ERC1: variants seen among roughly 807,000 people sequenced by gnomAD.
ERC1 encodes the protein ELKS/RAB6-interacting/CAST family member 1, also known as RAB6 interacting protein 2.
Under a neutral mutation model 132.0 loss-of-function variants are expected in ERC1, and 56 were observed. That is an observed-to-expected ratio of 0.42 (90% CI 0.34 to 0.53). The LOEUF (loss-of-function observed/expected upper bound fraction) is 0.53. Ranked by LOEUF, ERC1 falls within the 20% of genes least tolerant of loss-of-function variation. The pLI is 0.03. For missense variants in ERC1, 1,202 were observed against 1,349.9 expected (o/e 0.89, Z 1.72); for synonymous variants, 478 against 476.1 (o/e 1.00, Z -0.05).
At chr12:1,371,613 G>A (rs1353594250) in intron 15 of ERC1, among the ~76,000 whole-genome samples, 1 of 136,044 alleles carries the variant, frequency 7.4e-6, no homozygotes, top group African/African-American at 3.0e-5. Context: ...GTTGGAAGGG[G>A]TGAATGATGC....
At chr12:1,454,885 C>G (rs976408791) in intron 18 of ERC1, among the ~76,000 whole-genome samples, 2 of 152,086 alleles carry the variant, frequency 1.3e-5, no homozygotes, top group Non-Finnish European at 2.9e-5. Flanking sequence ...GAACTCAGGC[C>G]CTCTAGTCAT....
chr12:1,203,604 T>C (rs1957107598), intron 12 of ERC1, among the ~76,000 whole-genome samples: 1 of 152,224 alleles, frequency 6.6e-6, no homozygotes, highest in Non-Finnish European at 1.5e-5. Context: ...GAAATAGATA[T>C]TTTGTTTCAG....
intron 15 of ERC1, among the ~76,000 whole-genome samples, chr12:1,333,480 G>A (rs1010941375): frequency 1.1e-4 from 17 of 151,756 alleles, no homozygotes; most frequent in Admixed American, 5.3e-4. Context: ...TTACAGGCAC[G>A]TGCCACCATG....
At chr12:1,464,898 T>A (rs1484690390) in intron 18 of ERC1, among the ~76,000 whole-genome samples, 5 of 152,124 alleles carry the variant, frequency 3.3e-5, no homozygotes, top group African/African-American at 1.2e-4. Context: ...AAAATATGAA[T>A]ATGGAATATT....
At chr12:1,350,238 A>G (rs2084880930) in intron 15 of ERC1, among the ~76,000 whole-genome samples, 1 of 152,206 alleles carries the variant, frequency 6.6e-6, no homozygotes, top group Non-Finnish European at 1.5e-5. Context: ...TTTAGTATCT[A>G]GTGTTAAAAG....
In ERC1 at chr12:1,008,118, A is replaced by G. The variant is rs547834133; in HGVS notation, c.-157+16796A>G. Reference sequence around the variant, plus strand: ...TTGTTACCCAGGGATTCTGCTAGATACCGTTCACTACTGTCAACCACCATC... The same window carrying G: ...TTGTTACCCAGGGATTCTGCTAGATGCCGTTCACTACTGTCAACCACCATC... On this transcript the variant is annotated intron_variant, in intron 1 of 18. Transcript: ENST00000360905. Among the ~76,000 whole-genome samples the G allele has an allele frequency of 3.9e-5, 6 of 152,298 alleles. No homozygotes were observed. In the East Asian group the frequency reaches 5.8e-4, roughly 15 times the overall value.
intron 8 of ERC1, among the ~76,000 whole-genome samples, chr12:1,154,259 G>GTATATGTATATGTATATGTATA: frequency 1.5e-5 from 2 of 137,216 alleles, no homozygotes; most frequent in Admixed American, 7.3e-5. Context: ...ATATGTATAT[G>GTATATGTATATGTATATGTATA]TGTATATATA....
intron 15 of ERC1, among the ~76,000 whole-genome samples, chr12:1,340,720 T>C (rs1165630560): frequency 6.6e-6 from 1 of 152,154 alleles, no homozygotes; most frequent in African/African-American, 2.4e-5. Context: ...GGTTTCTCGC[T>C]GGCAGCTGTT....
At chr12:1,111,705 G>C (rs1032305986) in intron 5 of ERC1, among the ~76,000 whole-genome samples, 1 of 150,450 alleles carries the variant, frequency 6.6e-6, no homozygotes, top group Non-Finnish European at 1.5e-5. Context: ...TGCAGCCTCC[G>C]TCTCCAGGGT....
chr12:993,167 A>G (rs1960021246), intron 1 of ERC1, among the ~76,000 whole-genome samples: 1 of 152,250 alleles, frequency 6.6e-6, no homozygotes, highest in African/African-American at 2.4e-5. Context: ...AATTAACTGT[A>G]TTCAGTTAAT....
chr12:1,418,850 CTA>C (rs1271285148), intron 17 of ERC1, among the ~76,000 whole-genome samples: 3 of 151,766 alleles, frequency 2.0e-5, no homozygotes, highest in African/African-American at 7.3e-5. Context: ...GTAGCAGGGA[CTA>C]CACGCGTGTA....
chr12:1,153,275 T>C (rs553962440), intron 8 of ERC1, among the ~76,000 whole-genome samples: 51 of 152,390 alleles, frequency 3.3e-4, no homozygotes, highest in Non-Finnish European at 6.5e-4. Flanking sequence ...GATGTCTCTC[T>C]GTTCTAGAAC....
chr12:1,190,528 A>G (rs1955614987), intron 12 of ERC1, among the ~76,000 whole-genome samples: 1 of 152,180 alleles, frequency 6.6e-6, no homozygotes, highest in Non-Finnish European at 1.5e-5. Flanking sequence ...TCAGTGCATT[A>G]GATCAAAATT....
chr12:1,401,965 A>G (rs920436473), intron 16 of ERC1, among the ~76,000 whole-genome samples: 43 of 152,196 alleles, frequency 2.8e-4, no homozygotes, highest in African/African-American at 1.0e-3. Context: ...CATGGAAAAC[A>G]GACTGAGAAG....
rs556683089 is a variant in ERC1 at position 1,035,846 on chromosome 12, C to T, written c.669+7274C>T. Among the ~76,000 whole-genome samples the T allele has an allele frequency of 1.4e-4, 21 of 151,844 alleles. No individual in the cohort carries two copies. The East Asian group carries it at 3.5e-3, about 25-fold the overall frequency. On this transcript the variant is annotated intron_variant, in intron 2 of 18. Coordinates refer to ENST00000360905, the MANE Select transcript of ERC1 (RefSeq NM_178040.4). ...CTGAGGCAGGAGAATGGCGTGAACC[C>T]GAGAGGCGGAGCTTGCAGTGAGCTG... is the stretch of plus-strand genomic sequence containing the variant.
chr12:1,436,320 C>G (rs1017000055), intron 17 of ERC1, among the ~76,000 whole-genome samples: 1 of 152,224 alleles, frequency 6.6e-6, no homozygotes, highest in African/African-American at 2.4e-5. Context: ...TCATACTTGG[C>G]TCTTTTTTGT....
chr12:1,384,061 C>A (rs2089031117), intron 16 of ERC1, among the ~76,000 whole-genome samples: 1 of 152,214 alleles, frequency 6.6e-6, no homozygotes, highest in Non-Finnish European at 1.5e-5. Context: ...GTGTTACCAT[C>A]ATTACAGCAT....
chr12:1,341,316 C>T (rs138158130), intron 15 of ERC1, among the ~76,000 whole-genome samples: 3 of 151,660 alleles, frequency 2.0e-5, no homozygotes, highest in Admixed American at 6.6e-5. Context: ...AAGATGGTCT[C>T]GATCTCCTGA....
At chr12:1,332,063 C>A (rs1310359240) in intron 15 of ERC1, among the ~76,000 whole-genome samples, 3 of 152,108 alleles carry the variant, frequency 2.0e-5, no homozygotes, top group Non-Finnish European at 4.4e-5. Context: ...CCTTCATTTT[C>A]ACTATTCTCA....
Sources: allele counts gnomAD v4.1 joint callset (sites outside exome capture counted in the v4.1 genomes callset), GRCh38; gene constraint gnomAD v4.1.1; transcripts MANE v1.5; gene names NCBI Gene and HGNC (gene_info 2026-07-23, HGNC 2026-07-21).